The following YIF1B variants were observed in gnomAD, a reference collection of about 807,000 sequenced individuals.
YIF1B encodes the protein Yip1 interacting factor homolog B, membrane trafficking protein, also known as protein YIF1B.
YIF1B carries 24 observed loss-of-function variants against 34.6 expected under a neutral mutation model. The observed-to-expected ratio is 0.69, with a 90% CI of 0.50 to 0.98. The LOEUF (loss-of-function observed/expected upper bound fraction) is 0.98, where lower values mean the gene tolerates loss of function less well. Among genes scored for constraint, YIF1B ranks in the 50% least tolerant of loss-of-function variants. The probability of loss-of-function intolerance (pLI) is 0.00; values close to 1 mark genes in which losing one functional copy is unlikely to be tolerated. For missense variants in YIF1B, 368 were observed against 429.4 expected, an observed-to-expected ratio of 0.86 and a Z score of 1.26; for synonymous variants, 186 against 184.8, an observed-to-expected ratio of 1.01 and a Z score of -0.05.
In YIF1B at chr19:38,304,777, T is replaced by A; in HGVS notation, c.*575A>T. On this transcript the variant is annotated 3_prime_UTR_variant, in exon 8 of 8. Transcript: ENST00000339413. ...GGGCTGGCGGGGAGGGTGCGGGGAG[T>A]GGTCCCCCTGTCTCGCTTCCAGCCC... is the stretch of plus-strand genomic sequence containing the variant. 1 of 1,610,284 alleles carries A rather than the reference T, an allele frequency of 6.2e-7. No homozygotes were observed. The highest frequency in any genetic ancestry group is 8.5e-7 in the Non-Finnish European group (1 of 1,178,108).
rs926794197 is a variant in YIF1B at position 38,305,210 on chromosome 19, G to C, written c.*142C>G. On this transcript the variant is annotated 3_prime_UTR_variant, in exon 8 of 8. Coordinates refer to ENST00000339413, the MANE Select transcript of YIF1B (RefSeq NM_001039672.3). ...GATCTCTCAGCACCTTGGGTTGGGG[G>C]CGGGGCTGGGCGGGACATGGGATGG... 1 of 1,415,546 alleles carries C rather than the reference G, an allele frequency of 7.1e-7. No individual in the cohort carries two copies. The highest frequency in any genetic ancestry group is 2.5e-5 in the East Asian group (1 of 40,070). 87.7% of individuals were successfully genotyped at this position (1,415,546 alleles called of 1,614,324 possible). A position where few individuals can be genotyped will look rare whatever the true frequency, so the allele number is the denominator to read the frequency against.
At chr19:38,315,580 G>A in intron 1 of YIF1B, 1 of 1,483,376 alleles carries the variant, frequency 6.7e-7, no homozygotes. Flanking sequence ...ACGGAAGGGT[G>A]GGGAGCAGGG....
upstream of YIF1B, among the ~76,000 whole-genome samples, chr19:38,319,119 T>C (rs1011119471): frequency 1.3e-5 from 2 of 151,724 alleles, no homozygotes; most frequent in African/African-American, 4.8e-5. Flanking sequence ...CTCTGGGCTG[T>C]CTTTTTTCTT....
At position 38,305,127 on chromosome 19, in the gene YIF1B, G is replaced by A. The variant is rs888696129; in HGVS notation, c.*225C>T. 10 of 1,431,246 alleles carry A rather than the reference G, an allele frequency of 7.0e-6. No individual in the cohort carries two copies. The highest frequency in any genetic ancestry group is 4.3e-5 in the African/African-American group (3 of 69,424). 88.7% of individuals were successfully genotyped at this position (1,431,246 alleles called of 1,614,324 possible). A position where few individuals can be genotyped will look rare whatever the true frequency, so the allele number is the denominator to read the frequency against. ...GAGGCTGTCCACGCCATGCCCATCA[G>A]GGTTTATTGTTTCTGTAACAGCGGC... is the stretch of plus-strand genomic sequence containing the variant. On this transcript the variant is annotated 3_prime_UTR_variant, in exon 8 of 8. Transcript: ENST00000339413.
Position 38,307,539 on chromosome 19 carries a change from G to C in YIF1B, c.696-18C>G, listed in dbSNP as rs1969107352. On this transcript the variant is annotated intron_variant, in intron 6 of 7. Coordinates refer to ENST00000339413, the MANE Select transcript of YIF1B (RefSeq NM_001039672.3). ...CAATCATCCTGGGGGAGGGAGAGGA[G>C]GCTGTGTGAGGACAAGGCCCAAGGG... 1 of 1,613,752 alleles carries C rather than the reference G, an allele frequency of 6.2e-7. No individual in the cohort carries two copies. Among genetic ancestry groups the C allele is most frequent in the South Asian group, 1.1e-5 (1 of 91,082 alleles).
In YIF1B at chr19:38,304,665, C is replaced by A; in HGVS notation, c.*687G>T. On this transcript the variant is annotated 3_prime_UTR_variant, in exon 8 of 8. Transcript: ENST00000339413. ...CTTCCGACTCCAGCAGCAGCTCCAG[C>A]GATTCGGACACGGATGTGAAGGTAA... The A allele has an allele frequency of 6.2e-7, 1 of 1,613,674 alleles. No individual in the cohort carries two copies.
At chr19:38,315,948 G>A, upstream of YIF1B, 2 of 1,412,590 alleles carry the variant, frequency 1.4e-6, no homozygotes, top group Non-Finnish European at 1.8e-6. Flanking sequence ...GCCGCGGTTC[G>A]GAGCGTGCCC....
upstream of YIF1B, among the ~76,000 whole-genome samples, chr19:38,317,572 T>C (rs570230324): frequency 2.5e-3 from 378 of 152,176 alleles, 3 homozygotes; most frequent in Middle Eastern, 0.01. Flanking sequence ...TTTTTTTTTT[T>C]CTTATTGCTT....
At chr19:38,310,435 C>A (rs1969282908) in intron 1 of YIF1B, among the ~76,000 whole-genome samples, 1 of 150,764 alleles carries the variant, frequency 6.6e-6, no homozygotes, top group South Asian at 2.1e-4. Flanking sequence ...AGCTATCTAT[C>A]CATCCACCAA....
intron 5 of YIF1B, 52 bp from the exon 6 acceptor site, chr19:38,307,804 C>A: frequency 6.3e-7 from 1 of 1,599,720 alleles, no homozygotes; most frequent in East Asian, 2.2e-5. Flanking sequence ...CCCCCCACCC[C>A]CAGCACCCAT....
chr19:38,321,347 G>T (rs1969649951), upstream of YIF1B, among the ~76,000 whole-genome samples: 1 of 152,040 alleles, frequency 6.6e-6, no homozygotes, highest in East Asian at 1.9e-4. Context: ...CCTTCCCTAG[G>T]TACCCCACCC....
chr19:38,315,745 A>C, intron 1 of YIF1B, 115 bp downstream of exon 1: 1 of 1,608,516 alleles, frequency 6.2e-7, no homozygotes, highest in South Asian at 1.1e-5. Context: ...CGCTGTGCAC[A>C]CCTCAGGGTT....
chr19:38,312,854 C>T (rs1335050409), intron 1 of YIF1B, among the ~76,000 whole-genome samples: 1 of 152,188 alleles, frequency 6.6e-6, no homozygotes, highest in African/African-American at 2.4e-5. Flanking sequence ...CTCAATTATT[C>T]GAAGCCTGAA....
chr19:38,320,031 G>A (rs771025484), upstream of YIF1B: 1 of 1,496,978 alleles, frequency 6.7e-7, no homozygotes, highest in Non-Finnish European at 8.8e-7. Flanking sequence ...TGGTGGCGCG[G>A]CTGGAGGGGC....
At chr19:38,315,241 G>A (rs1430572021) in intron 1 of YIF1B, among the ~76,000 whole-genome samples, 3 of 144,822 alleles carry the variant, frequency 2.1e-5, no homozygotes, top group Non-Finnish European at 4.5e-5. Flanking sequence ...ACAAAACTAG[G>A]TCTCAAAAAA....
intron 7 of YIF1B, among the ~76,000 whole-genome samples, chr19:38,306,205 A>G (rs1195896237): frequency 1.3e-5 from 1 of 76,574 alleles, no homozygotes; most frequent in East Asian, 7.5e-4. Context: ...TCTGTCTCAC[A>G]AAAAAAAAAA....
At chr19:38,306,991 C>T (rs764427252) in intron 7 of YIF1B, 20 of 473,288 alleles carry the variant, frequency 4.2e-5, no homozygotes, top group South Asian at 1.7e-4. Flanking sequence ...AAAGGGGAAA[C>T]TGAATTTAAA....
chr19:38,308,123 G>A (rs1969142787), intron 5 of YIF1B, among the ~76,000 whole-genome samples: 1 of 152,200 alleles, frequency 6.6e-6, no homozygotes, highest in African/African-American at 2.4e-5. Flanking sequence ...TGACAGATGT[G>A]TTCAGTGCCA....
chr19:38,318,080 C>A (rs994620814), upstream of YIF1B, among the ~76,000 whole-genome samples: 14 of 147,220 alleles, frequency 9.5e-5, no homozygotes, highest in Admixed American at 2.1e-4. Flanking sequence ...ATAATTCCAG[C>A]TACTTAGGAG....
Sources: allele counts gnomAD v4.1 joint callset (sites outside exome capture counted in the v4.1 genomes callset), GRCh38; gene constraint gnomAD v4.1.1; transcripts MANE v1.5; gene names NCBI Gene and HGNC (gene_info 2026-07-23, HGNC 2026-07-21).